The following ZBTB41 variants were observed in gnomAD, a reference collection of about 807,000 sequenced individuals.
ZBTB41 encodes the protein zinc finger and BTB domain containing 41, also known as zinc finger and BTB domain-containing protein 41.
ZBTB41 carries 42 observed loss-of-function variants against 87.6 expected under a neutral mutation model. The observed-to-expected ratio is 0.48, with a 90% CI of 0.37 to 0.62. The LOEUF (loss-of-function observed/expected upper bound fraction) is 0.62, where lower values mean the gene tolerates loss of function less well. Among genes scored for constraint, ZBTB41 ranks in the 20% least tolerant of loss-of-function variants. The pLI, the probability that ZBTB41 is intolerant of heterozygous loss-of-function variation, is 0.00. For synonymous variants in ZBTB41, 364 were observed against 364.0 expected, an observed-to-expected ratio of 1.00 and a Z score of 0.00; for missense variants, 799 against 1,078.9, an observed-to-expected ratio of 0.74 and a Z score of 3.63.
In ZBTB41 at chr1:197,158,926, G is replaced by C. The variant is rs1659132070; in HGVS notation, c.*433C>G. On this transcript the variant is annotated 3_prime_UTR_variant, in exon 11 of 11. Coordinates refer to ENST00000367405, the MANE Select transcript of ZBTB41 (RefSeq NM_194314.3). ...ATATTGAATCTTAGGATAAGAAACA[G>C]TTGCAATTATCAGTGTACTCTTAAT... 1 of 157,114 alleles carries C rather than the reference G, an allele frequency of 6.4e-6. No individual in the cohort carries two copies. Among genetic ancestry groups the C allele is most frequent in the African/African-American group, 2.4e-5 (1 of 41,426 alleles). 9.7% of individuals were successfully genotyped at this position (157,114 alleles called of 1,614,324 possible).
chr1:197,172,820 C>T (rs1443606075), intron 9 of ZBTB41, among the ~76,000 whole-genome samples: 5 of 152,104 alleles, frequency 3.3e-5, no homozygotes, highest in Admixed American at 3.3e-4. Flanking sequence ...TTAAAACCCG[C>T]ATTTATCAAA....
intron 1 of ZBTB41, among the ~76,000 whole-genome samples, 80 bp downstream of exon 1, chr1:197,201,143 C>T (rs917284945): frequency 6.6e-6 from 1 of 152,230 alleles, no homozygotes; most frequent in Non-Finnish European, 1.5e-5. Context: ...CCGGGCAAGG[C>T]GGAGAATGCG....
intron 2 of ZBTB41, among the ~76,000 whole-genome samples, chr1:197,196,282 T>G (rs944241835): frequency 3.9e-5 from 6 of 152,186 alleles, no homozygotes; most frequent in Non-Finnish European, 2.9e-5. Flanking sequence ...TTAAATAAAC[T>G]GTACTTCTAA....
intron 10 of ZBTB41, among the ~76,000 whole-genome samples, chr1:197,161,770 C>G (rs879229147): frequency 6.6e-6 from 1 of 151,958 alleles, no homozygotes; most frequent in Admixed American, 6.6e-5. Flanking sequence ...ATGTACACTT[C>G]CAAAATGCAA....
In ZBTB41 at chr1:197,154,169, C is replaced by T. The variant is rs1252154619; in HGVS notation, c.*5190G>A. On this transcript the variant is annotated 3_prime_UTR_variant, in exon 11 of 11. Coordinates refer to ENST00000367405, the MANE Select transcript of ZBTB41 (RefSeq NM_194314.3). ...AATTACATCACAGTACATTGTCCAGCTTTAATGCAAGCAGGAATACCAAGC... is the reference window on the plus strand; with the variant it reads ...AATTACATCACAGTACATTGTCCAGTTTTAATGCAAGCAGGAATACCAAGC... The T allele has an allele frequency of 1.3e-5, 2 of 152,476 alleles. No homozygotes were observed. The highest frequency in any genetic ancestry group is 1.5e-5 in the Non-Finnish European group (1 of 67,954). The allele number at this position is 152,476 out of a possible 1,614,324, so 9.4% of individuals were successfully genotyped here. A position where few individuals can be genotyped will look rare whatever the true frequency, so the allele number is the denominator to read the frequency against.
chr1:197,185,689 TTA>T (rs957754450), intron 5 of ZBTB41, among the ~76,000 whole-genome samples: 12 of 151,988 alleles, frequency 7.9e-5, no homozygotes, highest in African/African-American at 2.9e-4. Flanking sequence ...TCCTTTCAAT[TTA>T]TATGACTTTC....
At chr1:197,171,299 C>T (rs907343920) in intron 10 of ZBTB41, among the ~76,000 whole-genome samples, 1 of 152,030 alleles carries the variant, frequency 6.6e-6, no homozygotes, top group Non-Finnish European at 1.5e-5. Context: ...TGTAACTTTG[C>T]TTTTAACAGC....
intron 10 of ZBTB41, among the ~76,000 whole-genome samples, chr1:197,166,123 T>C (rs187909909): frequency 2.6e-5 from 4 of 152,110 alleles, no homozygotes. Flanking sequence ...GAAACCACCA[T>C]AGCACGTGTA....
At chr1:197,184,408 C>T (rs939827332) in intron 5 of ZBTB41, among the ~76,000 whole-genome samples, 8 of 152,166 alleles carry the variant, frequency 5.3e-5, no homozygotes, top group African/African-American at 1.4e-4. Context: ...GACAGCTGCT[C>T]TATCTTCCTT....
At chr1:197,186,282 A>T (rs1290575407) in intron 5 of ZBTB41, among the ~76,000 whole-genome samples, 1 of 151,736 alleles carries the variant, frequency 6.6e-6, no homozygotes, top group Non-Finnish European at 1.5e-5. Flanking sequence ...CACAGACAAA[A>T]AAAAAAAAAA....
chr1:197,171,846 TAAA>T (rs1659487130), intron 10 of ZBTB41, among the ~76,000 whole-genome samples: 1 of 151,606 alleles, frequency 6.6e-6, no homozygotes, highest in African/African-American at 2.4e-5. Flanking sequence ...GAAAGCAAAA[TAAA>T]GAAGAATCAT....
rs933360931 is a variant in ZBTB41, at chr1:197,156,325, T to C, written c.*3034A>G. The C allele has an allele frequency of 6.6e-6, 1 of 152,330 alleles. No individual in the cohort carries two copies. Among genetic ancestry groups the C allele is most frequent in the East Asian group, 1.9e-4 (1 of 5,184 alleles). 9.4% of individuals were successfully genotyped at this position (152,330 alleles called of 1,614,324 possible). A position where few individuals can be genotyped will look rare whatever the true frequency, so the allele number is the denominator to read the frequency against. On this transcript the variant is annotated 3_prime_UTR_variant, in exon 11 of 11. Coordinates refer to ENST00000367405, the MANE Select transcript of ZBTB41 (RefSeq NM_194314.3). ...ACTATTTAATACCTACTAAAAATCT[T>C]TGGTGCATTTAAGTCAAAACCCATT...
intron 9 of ZBTB41, among the ~76,000 whole-genome samples, chr1:197,174,382 T>C (rs1659550865): frequency 6.6e-6 from 1 of 152,060 alleles, no homozygotes; most frequent in African/African-American, 2.4e-5. Context: ...AAGCAAAGAT[T>C]AGAAAAATAA....
chr1:197,162,461 A>G (rs951097264), intron 10 of ZBTB41, among the ~76,000 whole-genome samples: 1 of 152,184 alleles, frequency 6.6e-6, no homozygotes, highest in Non-Finnish European at 1.5e-5. Flanking sequence ...AGAGATGTAA[A>G]CTAATAGTTA....
At chr1:197,170,518 A>G (rs1018354775) in intron 10 of ZBTB41, among the ~76,000 whole-genome samples, 1 of 152,130 alleles carries the variant, frequency 6.6e-6, no homozygotes, top group African/African-American at 2.4e-5. Flanking sequence ...TGGCTAATCT[A>G]TTCCCAGTGT....
chr1:197,175,254 G>T, intron 8 of ZBTB41, 139 bp from the exon 9 acceptor site: 2 of 567,688 alleles, frequency 3.5e-6, no homozygotes, highest in Non-Finnish European at 2.9e-6. Flanking sequence ...TGCACTATTT[G>T]CTTTATATTC....
chr1:197,160,598 T>C (rs1272165599), intron 10 of ZBTB41, among the ~76,000 whole-genome samples: 2 of 152,178 alleles, frequency 1.3e-5, no homozygotes. Context: ...AAGCTGGACC[T>C]GTTTTTAGAT....
chr1:197,179,753 A>C (rs920831918), intron 6 of ZBTB41, among the ~76,000 whole-genome samples: 9 of 152,220 alleles, frequency 5.9e-5, no homozygotes, highest in African/African-American at 2.2e-4. Flanking sequence ...ACCAAAAAAA[A>C]GTTTAAAAAG....
chr1:197,174,926 TAAAC>T (rs1276363350), intron 9 of ZBTB41, 80 bp downstream of exon 9: 3 of 1,065,334 alleles, frequency 2.8e-6, no homozygotes, highest in Non-Finnish European at 4.2e-6. Flanking sequence ...TAACTTCAAT[TAAAC>T]AAAGTAAACA....
Sources: allele counts gnomAD v4.1 joint callset (sites outside exome capture counted in the v4.1 genomes callset), GRCh38; gene constraint gnomAD v4.1.1; transcripts MANE v1.5; gene names NCBI Gene and HGNC (gene_info 2026-07-23, HGNC 2026-07-21).